The following AP1M1 variants were observed in gnomAD, a reference collection of about 807,000 sequenced individuals.
AP1M1 encodes adaptor related protein complex 1 subunit mu 1, also known as AP-1 complex subunit mu-1.
A neutral mutation model predicts 57.1 loss-of-function variants in AP1M1; 18 were observed. That is an observed-to-expected ratio of 0.32 (90% CI 0.22 to 0.47). The LOEUF (loss-of-function observed/expected upper bound fraction) is 0.47. Ranked by LOEUF, AP1M1 falls within the 20% of genes least tolerant of loss-of-function variation. The pLI is 1.00. For synonymous variants in AP1M1, 241 were observed against 237.9 expected (o/e 1.01, Z -0.12); for missense variants, 362 against 593.5 (o/e 0.61, Z 4.05).
intron 5 of AP1M1, among the ~76,000 whole-genome samples, chr19:16,226,191 G>A (rs891543628): frequency 2.6e-4 from 39 of 152,308 alleles, no homozygotes; most frequent in African/African-American, 8.9e-4. Flanking sequence ...CGGCATGAAG[G>A]CTGGAGGGGT....
chr19:16,218,112 A>G (rs1469689129), intron 5 of AP1M1, among the ~76,000 whole-genome samples: 1 of 152,256 alleles, frequency 6.6e-6, no homozygotes, highest in Non-Finnish European at 1.5e-5. Flanking sequence ...ATTAAAAGTC[A>G]GTATAAATGT....
chr19:16,227,529 C>A lies in AP1M1; in HGVS notation c.674-19C>A. 6.2e-7 allele frequency: 1 copy of A among 1,612,882 alleles called. No homozygotes were observed. The highest frequency in any genetic ancestry group is 2.2e-5 in the East Asian group (1 of 44,836). On this transcript the variant is annotated intron_variant, in intron 6 of 11. Transcript: ENST00000291439. The surrounding 1 kb of genome is among the most constrained non-coding windows in gnomAD (Gnocchi z 6.2). ...ACCCGGAGGGCCCAGATCTGTCCTACCCTCACCCCTGACCCCAGGCGGCAA... is the reference window on the plus strand; with the variant it reads ...ACCCGGAGGGCCCAGATCTGTCCTAACCTCACCCCTGACCCCAGGCGGCAA...
intron 10 of AP1M1, chr19:16,233,923 C>T: frequency 1.8e-6 from 1 of 552,278 alleles, no homozygotes; most frequent in Non-Finnish European, 3.2e-6. Flanking sequence ...GAGAGGCTCC[C>T]AGAGAGCCAG....
chr19:16,226,129 CT>C (rs2091570108), intron 5 of AP1M1, among the ~76,000 whole-genome samples: 2 of 80,674 alleles, frequency 2.5e-5, no homozygotes, highest in Non-Finnish European at 8.1e-5. Flanking sequence ...CCAGTGTGGC[CT>C]GAGGCCTAGA....
At chr19:16,234,046 C>A in intron 10 of AP1M1, 153 bp from the exon 11 acceptor site, 1 of 732,470 alleles carries the variant, frequency 1.4e-6, no homozygotes, top group East Asian at 2.7e-5. Flanking sequence ...TTTGCATGGT[C>A]CAGACAAATC....
At position 16,203,553 on chromosome 19, in the gene AP1M1, T is replaced by A; in HGVS notation, c.137T>A (p.Leu46Gln). The change falls in exon 2 of 12, where the codon CTG becomes CAG. Residue 46 changes from leucine to glutamine, a missense_variant. By Grantham distance (113) the Leu-to-Gln change is moderately radical (BLOSUM62 -2). This residue lies in a region of AP1M1 where 337 missense variants were observed against 511.1 expected (regional missense o/e 0.66). Coordinates refer to ENST00000291439, the MANE Select transcript of AP1M1 (RefSeq NM_032493.4). This position sits in a 1 kb window ranked among gnomAD's most constrained non-coding sequence, Gnocchi z 4.6. ...ILMEKEEEGM[L>Q]SPILAHGGVR... is the part of the protein sequence containing the mutation. ...ATGGAGAAGGAGGAGGAGGGGATGCTGTCGCCCATCCTGGCCCACGGGGGG... is the reference window on the plus strand; with the variant it reads ...ATGGAGAAGGAGGAGGAGGGGATGCAGTCGCCCATCCTGGCCCACGGGGGG... The A allele has an allele frequency of 6.2e-7, 1 of 1,614,148 alleles. No individual in the cohort carries two copies. The highest frequency in any genetic ancestry group is 1.1e-5 in the South Asian group (1 of 91,084).
At chr19:16,222,667 G>A (rs2091551398) in intron 5 of AP1M1, among the ~76,000 whole-genome samples, 1 of 151,904 alleles carries the variant, frequency 6.6e-6, no homozygotes, top group Admixed American at 6.6e-5. Flanking sequence ...GAGTATAGTG[G>A]TGCAGTTATA....
chr19:16,206,431 G>T lies in AP1M1; in HGVS notation c.267+23G>T, dbSNP rs760347887. On this transcript the variant is annotated intron_variant, in intron 3 of 11. Transcript: ENST00000291439. This position sits in a 1 kb window ranked among gnomAD's most constrained non-coding sequence, Gnocchi z 4.3. The stretch of plus-strand genomic sequence containing the variant: ...CAGGTGAGTCTCGCTCGGAGGGGCC[G>T]TGGGCTTGGGTGGAGGTTGTCTTGG... 1 of 1,612,564 alleles carries T rather than the reference G, an allele frequency of 6.2e-7. No homozygotes were observed. The highest frequency in any genetic ancestry group is 1.7e-5 in the Admixed American group (1 of 59,974).
rs1017346160 is a variant in AP1M1 at position 16,207,552 on chromosome 19, A to G, written c.268-467A>G. 9.8e-5 allele frequency among the ~76,000 whole-genome samples: 15 copies of G among 152,316 alleles called. No individual in the cohort carries two copies. The highest frequency in any genetic ancestry group is 1.2e-4 in the African/African-American group (5 of 41,550). ...TCCTTCCTTCAGCATTTGTGCCTGC[A>G]AAAGTGCTTCTAACAGCCCCTCTTC... On this transcript the variant is annotated intron_variant, in intron 3 of 11. Transcript: ENST00000291439. The surrounding 1 kb of genome is among the most constrained non-coding windows in gnomAD (Gnocchi z 4.2).
chr19:16,235,085 C>T lies in AP1M1; in HGVS notation c.*650C>T, dbSNP rs573426256. Reference sequence around the variant, plus strand: ...GCTCGGGGGCCACTGTAGCGTCTGCCTGCTCCCTGGACTCGCAGGCCTCGC... The same window carrying T: ...GCTCGGGGGCCACTGTAGCGTCTGCTTGCTCCCTGGACTCGCAGGCCTCGC... On this transcript the variant is annotated 3_prime_UTR_variant, in exon 12 of 12. Coordinates refer to ENST00000291439, the MANE Select transcript of AP1M1 (RefSeq NM_032493.4). 6.5e-6 allele frequency: 1 copy of T among 152,686 alleles called. No individual in the cohort carries two copies. Among genetic ancestry groups the T allele is most frequent in the African/African-American group, 2.4e-5 (1 of 41,468 alleles). The allele number at this position is 152,686 out of a possible 1,614,324, so 9.5% of individuals were successfully genotyped here. A position where few individuals can be genotyped will look rare whatever the true frequency, so the allele number is the denominator to read the frequency against.
chr19:16,198,086 C>G lies in AP1M1; in HGVS notation c.42+18C>G, dbSNP rs762106411. ...AGGGCAAGGTACTGAGGGCTCCCCA[C>G]CCTCCCTGTTGCCAGGCAACCGGCA... On this transcript the variant is annotated intron_variant, in intron 1 of 11. Transcript: ENST00000291439. 17 of 1,594,250 alleles carry G rather than the reference C, an allele frequency of 1.1e-5. No homozygotes were observed. The highest frequency in any genetic ancestry group is 1.4e-5 in the Non-Finnish European group (17 of 1,173,802).
At chr19:16,205,697 G>A (rs930955715) in intron 2 of AP1M1, among the ~76,000 whole-genome samples, 37 of 152,170 alleles carry the variant, frequency 2.4e-4, no homozygotes, top group African/African-American at 8.2e-4. Context: ...AATAGGAAGC[G>A]CCCAGCACAC....
At position 16,228,047 on chromosome 19, in the gene AP1M1, GT is replaced by G; in HGVS notation, c.817-89del. The G allele has an allele frequency of 7.5e-7, 1 of 1,331,988 alleles. No individual in the cohort carries two copies. Among genetic ancestry groups the G allele is most frequent in the Non-Finnish European group, 1.1e-6 (1 of 942,072 alleles). 82.5% of individuals were successfully genotyped at this position (1,331,988 alleles called of 1,614,324 possible). A position where few individuals can be genotyped will look rare whatever the true frequency, so the allele number is the denominator to read the frequency against. On this transcript the variant is annotated intron_variant, in intron 7 of 11. Coordinates refer to ENST00000291439, the MANE Select transcript of AP1M1 (RefSeq NM_032493.4). This position sits in a 1 kb window ranked among gnomAD's most constrained non-coding sequence, Gnocchi z 5.0. ...CTCTGGGCCCACACCTGGGCAGATG[GT>G]CCCTTGCCCTGGGCCTTGGTTTCCC...
At position 16,233,496 on chromosome 19, in the gene AP1M1, G is replaced by T. The variant is rs1399746154; in HGVS notation, c.1051G>T (p.Gly351Cys). Residue 351 changes from glycine (G) to cysteine (C), a missense_variant, in exon 10 of 12, where the codon GGC becomes TGC. Coordinates refer to ENST00000291439, the MANE Select transcript of AP1M1 (RefSeq NM_032493.4). ...IVWSIKSFPGGKEYLMRAHFG... is the reference protein window; with the variant it reads ...IVWSIKSFPGCKEYLMRAHFG... Reference sequence around the variant, plus strand: ...GCCTCCCCCGTCTGCTCCCCAGGGCGGCAAGGAGTACCTGATGCGGGCCCA... The same window carrying T: ...GCCTCCCCCGTCTGCTCCCCAGGGCTGCAAGGAGTACCTGATGCGGGCCCA... The T allele has an allele frequency of 1.9e-6, 3 of 1,600,880 alleles. No individual in the cohort carries two copies. The Admixed American group carries it at 5.2e-5, about 28-fold the overall frequency.
intron 5 of AP1M1, among the ~76,000 whole-genome samples, chr19:16,218,489 A>AT (rs2091528490): frequency 6.6e-6 from 1 of 152,138 alleles, no homozygotes; most frequent in African/African-American, 2.4e-5. Flanking sequence ...GCCAGGAATG[A>AT]TTCCTGGTGC....
chr19:16,225,507 A>T (rs1038264977), intron 5 of AP1M1, among the ~76,000 whole-genome samples: 14 of 152,158 alleles, frequency 9.2e-5, no homozygotes, highest in African/African-American at 3.1e-4. Flanking sequence ...GCAAGAAGAG[A>T]TGCTCCAGCA....
rs559987350 is a variant in AP1M1 at position 16,223,828 on chromosome 19, G to A, written c.547-2593G>A. On this transcript the variant is annotated intron_variant, in intron 5 of 11. Transcript: ENST00000291439. Reference sequence around the variant, plus strand: ...AGCCTCCTGCCCAGGTTTCAGAGCTGTAGTCAGTGGCAGGGGAAGGGGCGC... The same window carrying A: ...AGCCTCCTGCCCAGGTTTCAGAGCTATAGTCAGTGGCAGGGGAAGGGGCGC... Among the ~76,000 whole-genome samples, 19 of 152,358 alleles carry A rather than the reference G, an allele frequency of 1.2e-4. No homozygotes were observed. The South Asian group carries it at 3.7e-3, about 30-fold the overall frequency.
chr19:16,200,443 C>T (rs1194466777), intron 1 of AP1M1, among the ~76,000 whole-genome samples: 2 of 152,042 alleles, frequency 1.3e-5, no homozygotes, highest in Non-Finnish European at 2.9e-5. Context: ...CAGGAGCCAC[C>T]GTGAGGAGAC....
In AP1M1 at chr19:16,234,646, A is replaced by G. The variant is rs950572329; in HGVS notation, c.*211A>G. On this transcript the variant is annotated 3_prime_UTR_variant, in exon 12 of 12. Transcript: ENST00000291439. Reference sequence around the variant, plus strand: ...TTCCCAGAAGAGGCTGGTCTTCAAGAAGTCTCGTTTCTTTGCCCCTGAAGT... The same window carrying G: ...TTCCCAGAAGAGGCTGGTCTTCAAGGAGTCTCGTTTCTTTGCCCCTGAAGT... The G allele has an allele frequency of 3.2e-5, 20 of 618,022 alleles. No homozygotes were observed. In the African/African-American group the frequency reaches 3.3e-4, roughly 10 times the overall value. 38.3% of individuals were successfully genotyped at this position (618,022 alleles called of 1,614,324 possible).
Sources: allele counts gnomAD v4.1 joint callset (sites outside exome capture counted in the v4.1 genomes callset), GRCh38; gene constraint gnomAD v4.1.1; regional missense constraint gnomAD v4.1.1; non-coding constraint Gnocchi (gnomAD v3.1); transcripts MANE v1.5; gene names NCBI Gene and HGNC (gene_info 2026-07-23, HGNC 2026-07-21).